APPBP2: variants seen among roughly 807,000 people sequenced by gnomAD.
APPBP2 encodes amyloid protein-binding protein 2.
APPBP2 carries 15 observed loss-of-function variants against 76.0 expected under a neutral mutation model. The ratio of observed to expected loss-of-function variants is 0.20; its 90% CI spans 0.13 to 0.30. The LOEUF (loss-of-function observed/expected upper bound fraction) is 0.30. APPBP2 is among the 10% of genes least tolerant of loss of function. The pLI, the probability that APPBP2 is intolerant of heterozygous loss-of-function variation, is 1.00. For missense variants in APPBP2, 401 were observed against 687.2 expected (o/e 0.58, Z 4.66); for synonymous variants, 222 against 242.2 (o/e 0.92, Z 0.77).
chr17:60,482,654 A>G lies in APPBP2; in HGVS notation c.380-3383T>C, dbSNP rs1165340509. Among the ~76,000 whole-genome samples the G allele has an allele frequency of 2.6e-5, 4 of 152,224 alleles. No homozygotes were observed. In the East Asian group the frequency reaches 7.7e-4, roughly 29 times the overall value. ...CTGTGTCCAAGTGTTCTCATTGTTC[A>G]ATTCCCACCTGAGTGAGAACATGTG... On this transcript the variant is annotated intron_variant, in intron 3 of 12. Transcript: ENST00000083182.
intron 10 of APPBP2, among the ~76,000 whole-genome samples, chr17:60,454,740 T>C (rs1385088073): frequency 6.6e-6 from 1 of 152,200 alleles, no homozygotes; most frequent in Non-Finnish European, 1.5e-5. Flanking sequence ...TTTTGCAGAA[T>C]TAGCTTCTAT....
At chr17:60,492,501 G>A (rs1250798481) in intron 3 of APPBP2, among the ~76,000 whole-genome samples, 3 of 152,206 alleles carry the variant, frequency 2.0e-5, no homozygotes, top group Admixed American at 1.3e-4. Context: ...AAAGCCACAG[G>A]GGCGGAGCTG....
At chr17:60,522,081 T>C (rs547776881) in intron 1 of APPBP2, among the ~76,000 whole-genome samples, 2 of 152,308 alleles carry the variant, frequency 1.3e-5, no homozygotes, top group South Asian at 4.1e-4. Flanking sequence ...CGCCTAACAA[T>C]GCATTTCTCA....
At chr17:60,508,457 C>A (rs531622357) in intron 1 of APPBP2, among the ~76,000 whole-genome samples, 1 of 152,252 alleles carries the variant, frequency 6.6e-6, no homozygotes, top group South Asian at 2.1e-4. Flanking sequence ...AGAAACTCCA[C>A]AGTTGCCAAA....
intron 1 of APPBP2, among the ~76,000 whole-genome samples, chr17:60,502,623 G>A (rs145888249): frequency 3.4e-5 from 5 of 146,694 alleles, no homozygotes; most frequent in South Asian, 4.2e-4. Flanking sequence ...GGAGGCCAAG[G>A]GGGGGTGGAT....
At chr17:60,459,974 T>A (rs2090465092) in intron 9 of APPBP2, 1 of 152,232 alleles carries the variant, frequency 6.6e-6, no homozygotes, top group Non-Finnish European at 1.5e-5. Context: ...CTTGGGGGAT[T>A]TCCCCCTCAC....
At chr17:60,461,351 G>A (rs552236517) in intron 8 of APPBP2, 1 of 154,394 alleles carries the variant, frequency 6.5e-6, no homozygotes, top group Admixed American at 6.4e-5. Flanking sequence ...CTCCAGCCTG[G>A]GCGACAGATC....
At chr17:60,492,781 T>G (rs2090740585) in intron 3 of APPBP2, among the ~76,000 whole-genome samples, 1 of 152,312 alleles carries the variant, frequency 6.6e-6, no homozygotes, top group South Asian at 2.1e-4. Context: ...TTGTCTCAGA[T>G]GAGACTTTGG....
Position 60,493,554 on chromosome 17 carries a change from G to A in APPBP2, c.379+912C>T, listed in dbSNP as rs546193476. Among the ~76,000 whole-genome samples, 9 of 151,650 alleles carry A rather than the reference G, an allele frequency of 5.9e-5. No homozygotes were observed. In the South Asian group the frequency reaches 6.2e-4, roughly 11 times the overall value. ...TTGCTATGTTGCCCAGGCTGGTCTC[G>A]AACTCCTGGGCTCAAGTGATCCTGC... is the stretch of plus-strand genomic sequence containing the variant. On this transcript the variant is annotated intron_variant, in intron 3 of 12. Transcript: ENST00000083182.
chr17:60,469,275 G>A (rs553892063), intron 4 of APPBP2, among the ~76,000 whole-genome samples: 2 of 141,484 alleles, frequency 1.4e-5, no homozygotes, highest in Non-Finnish European at 3.0e-5. Flanking sequence ...GCAGTGAGTC[G>A]AGATCACACC....
intron 11 of APPBP2, among the ~76,000 whole-genome samples, chr17:60,453,403 T>C (rs1440790262): frequency 1.3e-5 from 2 of 151,656 alleles, no homozygotes; most frequent in Non-Finnish European, 2.9e-5. Context: ...AGGCTGGTCT[T>C]GAACTCCTGA....
intron 1 of APPBP2, among the ~76,000 whole-genome samples, chr17:60,510,350 T>A (rs913545497): frequency 2.0e-5 from 3 of 151,558 alleles, no homozygotes; most frequent in African/African-American, 7.3e-5. Flanking sequence ...CTGCAGTGAG[T>A]CATGATTATA....
At chr17:60,473,347 CTG>C (rs2090567152) in intron 4 of APPBP2, among the ~76,000 whole-genome samples, 1 of 152,164 alleles carries the variant, frequency 6.6e-6, no homozygotes, top group South Asian at 2.1e-4. Flanking sequence ...GATGAGAACT[CTG>C]TAACACTTTT....
At chr17:60,513,384 G>T in intron 1 of APPBP2, 1 of 665,994 alleles carries the variant, frequency 1.5e-6, no homozygotes, top group Non-Finnish European at 2.8e-6. Flanking sequence ...AGACATCTTT[G>T]TTGCCAAGAA....
In APPBP2 at chr17:60,457,526, G is replaced by A. The variant is rs139183985; in HGVS notation, c.1062-1145C>T. On this transcript the variant is annotated intron_variant, in intron 9 of 12. Transcript: ENST00000083182. Reference sequence around the variant, plus strand: ...ACCGCAGCCTCAAACTCCTGGGCTCGGGTGATCCTCCCACCTCAGCCTCCC... The same window carrying A: ...ACCGCAGCCTCAAACTCCTGGGCTCAGGTGATCCTCCCACCTCAGCCTCCC... 7.1e-3 allele frequency among the ~76,000 whole-genome samples: 1,085 copies of A among 151,856 alleles called. 10 individuals carry two copies. Among genetic ancestry groups the A allele is most frequent in the African/African-American group, 0.024 (999 of 41,372 alleles).
At chr17:60,464,892 A>G (rs1567922101) in intron 5 of APPBP2, 1 of 152,176 alleles carries the variant, frequency 6.6e-6, no homozygotes, top group Non-Finnish European at 1.5e-5. Context: ...TCTATCAAAA[A>G]TCAAAAAAAT....
chr17:60,525,782 C>T lies in APPBP2; in HGVS notation c.138+12G>A, dbSNP rs1174764152. 1 of 1,612,810 alleles carries T rather than the reference C, an allele frequency of 6.2e-7. No individual in the cohort carries two copies. On this transcript the variant is annotated intron_variant, in intron 1 of 12. Transcript: ENST00000083182. ...GCTGGAGGAGAGCAGAGAGGAGGCCCACGGCGCATACCTTGTAGTAAACAT... is the reference window on the plus strand; with the variant it reads ...GCTGGAGGAGAGCAGAGAGGAGGCCTACGGCGCATACCTTGTAGTAAACAT...
chr17:60,524,543 TTTAA>T (rs1378546909), intron 1 of APPBP2, among the ~76,000 whole-genome samples: 2 of 150,648 alleles, frequency 1.3e-5, no homozygotes, highest in East Asian at 3.9e-4. Flanking sequence ...GAAACCCCAC[TTTAA>T]TTGTTAGAAT....
chr17:60,513,208 G>A (rs748982718), intron 1 of APPBP2: 3 of 377,512 alleles, frequency 7.9e-6, no homozygotes, highest in Non-Finnish European at 1.5e-5. Context: ...CGGCCAAGAG[G>A]GCGAGCATTC....
Sources: allele counts gnomAD v4.1 joint callset (sites outside exome capture counted in the v4.1 genomes callset), GRCh38; gene constraint gnomAD v4.1.1; transcripts MANE v1.5; gene names NCBI Gene and HGNC (gene_info 2026-07-23, HGNC 2026-07-21).